ABCB1: variants seen among roughly 807,000 people sequenced by gnomAD.
The protein encoded by ABCB1 is ATP-dependent translocase ABCB1.
A neutral mutation model predicts 142.0 loss-of-function variants in ABCB1; 69 were observed. The ratio of observed to expected loss-of-function variants is 0.49; its 90% CI spans 0.40 to 0.59. The LOEUF is 0.59. Ranked by LOEUF, ABCB1 falls within the 20% of genes least tolerant of loss-of-function variation. ABCB1 has a pLI of 0.00. For synonymous variants in ABCB1, 532 were observed against 539.2 expected (o/e 0.99, Z 0.18); for missense variants, 1,326 against 1,554.7 (o/e 0.85, Z 2.47).
chr7:87,635,097 C>T (rs1821628684), intron 1 of ABCB1, among the ~76,000 whole-genome samples: 1 of 152,134 alleles, frequency 6.6e-6, no homozygotes, highest in Admixed American at 6.6e-5. Flanking sequence ...GTCAAAATTT[C>T]AGTTGAGAGA....
At chr7:87,552,118 C>A (rs1448228695) in intron 9 of ABCB1, among the ~76,000 whole-genome samples, 1 of 152,158 alleles carries the variant, frequency 6.6e-6, no homozygotes, top group Admixed American at 6.5e-5. Context: ...AGACACTGAT[C>A]CTTTATCAGG....
intron 20 of ABCB1, among the ~76,000 whole-genome samples, chr7:87,534,588 C>T (rs1327156212): frequency 6.6e-6 from 1 of 152,120 alleles, no homozygotes; most frequent in Non-Finnish European, 1.5e-5. Flanking sequence ...CTCCCCCAAG[C>T]CTGCTTCTCC....
At chr7:87,570,246 T>C in intron 4 of ABCB1, 23 bp from the exon 5 acceptor site, 2 of 1,601,126 alleles carry the variant, frequency 1.2e-6, no homozygotes, top group South Asian at 1.1e-5. Context: ...AAAACAAACA[T>C]ACCATTTATG....
chr7:87,662,163 A>G (rs1456260529), intron 1 of ABCB1, among the ~76,000 whole-genome samples: 2 of 151,138 alleles, frequency 1.3e-5, no homozygotes, highest in Non-Finnish European at 2.9e-5. Flanking sequence ...CCCTTGTCAG[A>G]TGAGTAGTCT....
chr7:87,669,407 T>C lies in ABCB1; in HGVS notation c.-331+43754A>G, dbSNP rs564616180. ...TGGGTCTCTTGAACACAGCATACCA[T>C]TGGGTCTTGCTTTTTTATCCAGCTT... On this transcript the variant is annotated intron_variant, in intron 1 of 28. Transcript: ENST00000265724. Among the ~76,000 whole-genome samples, 5 of 152,262 alleles carry C rather than the reference T, an allele frequency of 3.3e-5. No individual in the cohort carries two copies. The East Asian group carries it at 5.8e-4, about 18-fold the overall frequency.
At chr7:87,506,617 G>GT (rs1292022788) in intron 26 of ABCB1, among the ~76,000 whole-genome samples, 1 of 152,024 alleles carries the variant, frequency 6.6e-6, no homozygotes, top group Non-Finnish European at 1.5e-5. Flanking sequence ...CATTTTTGTT[G>GT]TTAGAGTGCT....
chr7:87,678,828 A>G (rs998128968), intron 1 of ABCB1, among the ~76,000 whole-genome samples: 1 of 152,202 alleles, frequency 6.6e-6, no homozygotes, highest in African/African-American at 2.4e-5. Flanking sequence ...TGACAGGGAT[A>G]AAGTTGGACA....
intron 5 of ABCB1, among the ~76,000 whole-genome samples, chr7:87,567,918 C>A (rs1176121911): frequency 6.6e-6 from 1 of 151,316 alleles, no homozygotes; most frequent in Admixed American, 6.6e-5. Context: ...TATGATGAAA[C>A]CCTGTCTCTA....
chr7:87,547,673 C>T (rs1371497293), intron 14 of ABCB1, among the ~76,000 whole-genome samples: 5 of 151,996 alleles, frequency 3.3e-5, no homozygotes, highest in African/African-American at 9.7e-5. Flanking sequence ...AGTTCAAGAC[C>T]AGCGTGGGCC....
At chr7:87,521,084 T>C in intron 21 of ABCB1, 1 of 549,152 alleles carries the variant, frequency 1.8e-6, no homozygotes, top group Non-Finnish European at 3.2e-6. Flanking sequence ...AAACTTCTCC[T>C]TTGCAGAAAT....
In ABCB1 at chr7:87,679,293, C is replaced by A. The variant is rs147168495; in HGVS notation, c.-331+33868G>T. 3.7e-3 allele frequency among the ~76,000 whole-genome samples: 556 copies of A among 149,536 alleles called. 38 individuals carry two copies. Among genetic ancestry groups the A allele is most frequent in the African/African-American group, 0.013 (533 of 40,130 alleles). On this transcript the variant is annotated intron_variant, in intron 1 of 28. Transcript: ENST00000265724. ...TATTTTTAGTAGAGACGGAGTTTCA[C>A]AGTGTTAGCCAGGATGGTCTCCATC... is the stretch of plus-strand genomic sequence containing the variant.
intron 8 of ABCB1, among the ~76,000 whole-genome samples, chr7:87,560,569 C>G (rs748746640): frequency 6.6e-6 from 1 of 152,110 alleles, no homozygotes; most frequent in South Asian, 2.1e-4. Context: ...CAATGTATAA[C>G]CCCCTTAACC....
chr7:87,515,719 T>A (rs1815211956), intron 24 of ABCB1, among the ~76,000 whole-genome samples: 1 of 152,028 alleles, frequency 6.6e-6, no homozygotes. Flanking sequence ...GCCTCCCAAG[T>A]AGCTGGGATT....
intron 3 of ABCB1, among the ~76,000 whole-genome samples, chr7:87,593,289 A>G (rs1368308049): frequency 6.6e-6 from 1 of 152,210 alleles, no homozygotes; most frequent in African/African-American, 2.4e-5. Flanking sequence ...TCTATGTGTC[A>G]CATTTCCTCA....
Position 87,561,342 on chromosome 7 carries a change from C to G in ABCB1, c.748G>C (p.Ala250Pro), listed in dbSNP as rs755708192. 2 of 1,613,840 alleles carry G rather than the reference C, an allele frequency of 1.2e-6. No individual in the cohort carries two copies. The highest frequency in any genetic ancestry group is 1.7e-6 in the Non-Finnish European group (2 of 1,179,812). ...AAGACCTCTTCAGCTACTGCTCCAG[C>G]TTTTGCATACGCTAAGAGTTCTTTA... ...TDKELLAYAK[A>P]GAVAEEVLAA... Residue 250 changes from alanine (A) to proline (P), a missense_variant, in exon 8 of 28, where the codon GCT becomes CCT. Coordinates refer to ENST00000622132, the MANE Select transcript of ABCB1 (RefSeq NM_001348946.2).
chr7:87,626,364 A>G lies in ABCB1; in HGVS notation c.-330-25286T>C, dbSNP rs188487091. ...TATGTGTCATATATATGTGTCATATATATGTGTCATATGTATGTGTCATAT... is the reference window on the plus strand; with the variant it reads ...TATGTGTCATATATATGTGTCATATGTATGTGTCATATGTATGTGTCATAT... On this transcript the variant is annotated intron_variant, in intron 1 of 28. Transcript: ENST00000265724. Among the ~76,000 whole-genome samples the G allele has an allele frequency of 1.7e-3, 50 of 30,058 alleles. 12 individuals are homozygous for G. Among genetic ancestry groups the G allele is most frequent in the African/African-American group, 2.5e-3 (8 of 3,224 alleles). 19.7% of individuals were successfully genotyped at this position (30,058 alleles called of 152,430 possible). A position where few individuals can be genotyped will look rare whatever the true frequency, so the allele number is the denominator to read the frequency against.
intron 1 of ABCB1, among the ~76,000 whole-genome samples, chr7:87,614,692 T>C (rs556450327): frequency 6.6e-6 from 1 of 152,348 alleles, no homozygotes; most frequent in South Asian, 2.1e-4. Context: ...AGAATTACTA[T>C]TGGCTTTGGC....
At chr7:87,568,240 G>A (rs563912230) in intron 5 of ABCB1, among the ~76,000 whole-genome samples, 57 of 124,402 alleles carry the variant, frequency 4.6e-4, no homozygotes, top group African/African-American at 1.7e-3. Context: ...CTAAAAATAC[G>A]ACAATAATAA....
At chr7:87,684,116 C>T (rs1827208580) in intron 1 of ABCB1, among the ~76,000 whole-genome samples, 3 of 152,118 alleles carry the variant, frequency 2.0e-5, no homozygotes, top group Admixed American at 6.5e-5. Context: ...AAAATCTTTA[C>T]AGCTAGGTAT....
Sources: gnomAD v4.1 joint callset for allele counts (sites outside exome capture counted in the v4.1 genomes callset) on GRCh38, gnomAD v4.1.1 for gene constraint, MANE v1.5 for transcripts, NCBI Gene and HGNC (gene_info 2026-07-23, HGNC 2026-07-21) for gene names.